IQCH: variants seen among roughly 807,000 people sequenced by gnomAD.
IQCH encodes the protein IQ motif containing H.
Under a neutral mutation model 117.0 loss-of-function variants are expected in IQCH, and 98 were observed. That is an observed-to-expected ratio of 0.84 (90% CI 0.71 to 0.99). IQCH has a LOEUF of 0.99. Ranked by LOEUF, IQCH falls within the 50% of genes least tolerant of loss-of-function variation. The probability of loss-of-function intolerance (pLI) is 0.00; values close to 1 mark genes in which losing one functional copy is unlikely to be tolerated. For synonymous variants in IQCH, 412 were observed against 448.2 expected, an observed-to-expected ratio of 0.92 and a Z score of 1.02; for missense variants, 1,102 against 1,243.8, an observed-to-expected ratio of 0.89 and a Z score of 1.72.
chr15:67,372,114 A>T lies in IQCH; in HGVS notation c.757A>T (p.Met253Leu). ...RSRGHHDRKA[M>L]KVKTPLRALK... ...ATATATTTCTTTTTTTCCACAGGCC[A>T]TGAAAGTCAAAACACCTTTGAGAGC... The change falls in exon 9 of 21, where the codon ATG (methionine) becomes TTG (leucine). Residue 253 changes from methionine to leucine, a missense_variant. Physicochemically the swap from Met to Leu is conservative, Grantham distance 15. Transcript: ENST00000335894. The T allele has an allele frequency of 6.3e-7, 1 of 1,599,418 alleles. No homozygotes were observed. The highest frequency in any genetic ancestry group is 8.5e-7 in the Non-Finnish European group (1 of 1,174,636).
chr15:67,337,589 C>T (rs1968952454), intron 5 of IQCH, among the ~76,000 whole-genome samples: 1 of 152,122 alleles, frequency 6.6e-6, no homozygotes, highest in African/African-American at 2.4e-5. Flanking sequence ...TCATCTTTAT[C>T]TCAGTATCTC....
intron 4 of IQCH, among the ~76,000 whole-genome samples, chr15:67,305,367 G>A (rs1250513496): frequency 6.6e-6 from 1 of 152,050 alleles, no homozygotes; most frequent in African/African-American, 2.4e-5. Context: ...TATATTTTCA[G>A]TTTCTTTATA....
Position 67,368,200 on chromosome 15 carries a change from C to A in IQCH, c.754-3911C>A, listed in dbSNP as rs545396141. Among the ~76,000 whole-genome samples, 136 of 152,290 alleles carry A rather than the reference C, an allele frequency of 8.9e-4. 3 individuals are homozygous for A. The South Asian group carries it at 0.028, about 31-fold the overall frequency. ...CTGGACTTAAGGCCAAGGCTAATTT[C>A]TCTGGGCCCGTAATAGCCTATTGAG... On this transcript the variant is annotated intron_variant, in intron 8 of 20. Coordinates refer to ENST00000335894, the MANE Select transcript of IQCH (RefSeq NM_001031715.3).
chr15:67,498,806 T>C (rs193253355), intron 20 of IQCH, among the ~76,000 whole-genome samples: 1 of 152,176 alleles, frequency 6.6e-6, no homozygotes, highest in Admixed American at 6.5e-5. Flanking sequence ...AATTTAAAAC[T>C]TCGTGCATCA....
In IQCH at chr15:67,496,890, C is replaced by A. The variant is rs1371779056; in HGVS notation, c.2970+2524C>A. ...AAAATTAGCCGGGCACGGTGGCGGG[C>A]GCCTGTAGTCCCAGCTACTCGGGAG... On this transcript the variant is annotated intron_variant, in intron 20 of 20. Transcript: ENST00000335894. The surrounding 1 kb of genome is among the most constrained non-coding windows in gnomAD (Gnocchi z 4.4). 1.3e-5 allele frequency among the ~76,000 whole-genome samples: 2 copies of A among 150,440 alleles called. No individual in the cohort carries two copies. The highest frequency in any genetic ancestry group is 4.9e-5 in the African/African-American group (2 of 40,946).
At position 67,401,363 on chromosome 15, in the gene IQCH, T is replaced by C. The variant is rs1406125376; in HGVS notation, c.2097+1058T>C. On this transcript the variant is annotated intron_variant, in intron 14 of 20. Transcript: ENST00000335894. This position sits in a 1 kb window ranked among gnomAD's most constrained non-coding sequence, Gnocchi z 4.7. Reference sequence around the variant, plus strand: ...GAAATCCCCAGTCTTGCCTGGCTTCTCTTAATCCCAAATATCTGTTTTGGC... The same window carrying C: ...GAAATCCCCAGTCTTGCCTGGCTTCCCTTAATCCCAAATATCTGTTTTGGC... Among the ~76,000 whole-genome samples the C allele has an allele frequency of 6.6e-6, 1 of 152,230 alleles. No homozygotes were observed. Among genetic ancestry groups the C allele is most frequent in the African/African-American group, 2.4e-5 (1 of 41,452 alleles).
chr15:67,375,138 A>G (rs976701907), intron 10 of IQCH, among the ~76,000 whole-genome samples: 2 of 152,232 alleles, frequency 1.3e-5, no homozygotes, highest in African/African-American at 4.8e-5. Flanking sequence ...TTTGAGTGAA[A>G]GTGTCTTAAA....
rs1971282578 is a variant in IQCH, at chr15:67,391,474, G to T, written c.1632+2468G>T. ...TGTACATCTCTCCAAGTTACTATAT[G>T]ATTCTTGAATTTGTAATGGTAAAAT... On this transcript the variant is annotated intron_variant, in intron 12 of 20. Transcript: ENST00000335894. The surrounding 1 kb of genome is among the most constrained non-coding windows in gnomAD (Gnocchi z 4.3). 1.3e-5 allele frequency among the ~76,000 whole-genome samples: 2 copies of T among 152,012 alleles called. No homozygotes were observed. Among genetic ancestry groups the T allele is most frequent in the African/African-American group, 4.8e-5 (2 of 41,388 alleles).
At position 67,458,626 on chromosome 15, in the gene IQCH, A is replaced by G. The variant is rs564675477; in HGVS notation, c.2506-6501A>G. Among the ~76,000 whole-genome samples the G allele has an allele frequency of 7.5e-4, 114 of 152,346 alleles. No individual in the cohort carries two copies. Among genetic ancestry groups the G allele is most frequent in the Non-Finnish European group, 1.5e-3 (104 of 68,026 alleles). On this transcript the variant is annotated intron_variant, in intron 16 of 20. Coordinates refer to ENST00000335894, the MANE Select transcript of IQCH (RefSeq NM_001031715.3). This position sits in a 1 kb window ranked among gnomAD's most constrained non-coding sequence, Gnocchi z 4.1. ...AAAGGAAATAAGCCCTTGGCTCTGT[A>G]CCTAGCCAAACCAGTAAAACAGAGG... is the stretch of plus-strand genomic sequence containing the variant.
rs1340630266 is a variant in IQCH, at chr15:67,465,526, G to A, written c.2676+229G>A. ...ATCTGTGGAAATGCGAAAGAGCATGGGGCTCTCCTCCCCTTTTTCTAGGCA... is the reference window on the plus strand; with the variant it reads ...ATCTGTGGAAATGCGAAAGAGCATGAGGCTCTCCTCCCCTTTTTCTAGGCA... On this transcript the variant is annotated intron_variant, in intron 17 of 20. Coordinates refer to ENST00000335894, the MANE Select transcript of IQCH (RefSeq NM_001031715.3). This position sits in a 1 kb window ranked among gnomAD's most constrained non-coding sequence, Gnocchi z 5.9. Among the ~76,000 whole-genome samples the A allele has an allele frequency of 2.0e-5, 3 of 152,062 alleles. No homozygotes were observed. The highest frequency in any genetic ancestry group is 7.2e-5 in the African/African-American group (3 of 41,396).
intron 16 of IQCH, among the ~76,000 whole-genome samples, chr15:67,435,274 C>T (rs1489976879): frequency 6.6e-6 from 1 of 151,906 alleles, no homozygotes; most frequent in African/African-American, 2.4e-5. Flanking sequence ...ACCTGTTGGC[C>T]ATTCGTATGT....
rs1300377225 is a variant in IQCH, at chr15:67,473,082, T to C, written c.2677-2614T>C. ...TGCTGGCTGGGGTCTGGTCTTGGTT[T>C]TTCTTGTTTATATACTATGGCAGCA... is the stretch of plus-strand genomic sequence containing the variant. On this transcript the variant is annotated intron_variant, in intron 17 of 20. Transcript: ENST00000335894. This position sits in a 1 kb window ranked among gnomAD's most constrained non-coding sequence, Gnocchi z 4.9. 6.6e-6 allele frequency among the ~76,000 whole-genome samples: 1 copy of C among 152,212 alleles called. No individual in the cohort carries two copies. Among genetic ancestry groups the C allele is most frequent in the African/African-American group, 2.4e-5 (1 of 41,460 alleles).
In IQCH at chr15:67,424,505, G is replaced by A. The variant is rs2081837801; in HGVS notation, c.2505+2928G>A. On this transcript the variant is annotated intron_variant, in intron 16 of 20. Coordinates refer to ENST00000335894, the MANE Select transcript of IQCH (RefSeq NM_001031715.3). This position sits in a 1 kb window ranked among gnomAD's most constrained non-coding sequence, Gnocchi z 4.9. ...TTAATTGTAAGCTCTTTTAAGCGAT[G>A]TGCTGTGTTTCTTTTTGCTCCCCCA... is the stretch of plus-strand genomic sequence containing the variant. Among the ~76,000 whole-genome samples the A allele has an allele frequency of 6.6e-6, 1 of 152,168 alleles. No homozygotes were observed. Among genetic ancestry groups the A allele is most frequent in the Non-Finnish European group, 1.5e-5 (1 of 68,048 alleles).
Position 67,366,135 on chromosome 15 carries a change from A to C in IQCH, c.754-5976A>C, listed in dbSNP as rs866918919. The stretch of plus-strand genomic sequence containing the variant: ...GCTCTTTTTCCCATACGTGTAGAGA[A>C]AATTATGATGTGTCTTTGCTCAGAG... On this transcript the variant is annotated intron_variant, in intron 8 of 20. Transcript: ENST00000335894. This position sits in a 1 kb window ranked among gnomAD's most constrained non-coding sequence, Gnocchi z 4.4. Among the ~76,000 whole-genome samples, 3 of 152,136 alleles carry C rather than the reference A, an allele frequency of 2.0e-5. No individual in the cohort carries two copies. The highest frequency in any genetic ancestry group is 7.2e-5 in the African/African-American group (3 of 41,420).
intron 8 of IQCH, chr15:67,360,212 C>T: frequency 3.2e-6 from 1 of 315,254 alleles, no homozygotes; most frequent in Admixed American, 4.7e-5. Context: ...TAAAAGTACA[C>T]TTAAAAAGAA....
chr15:67,272,441 G>T (rs1418682936), intron 3 of IQCH, among the ~76,000 whole-genome samples: 2 of 152,154 alleles, frequency 1.3e-5, no homozygotes, highest in Non-Finnish European at 2.9e-5. Context: ...AGTTAGACCT[G>T]TCTGGTCTAG....
intron 6 of IQCH, among the ~76,000 whole-genome samples, chr15:67,347,780 A>G (rs1969464518): frequency 6.7e-6 from 1 of 148,536 alleles, no homozygotes; most frequent in Non-Finnish European, 1.5e-5. Context: ...AATATAGCAA[A>G]TTGAATCTAG....
At position 67,370,308 on chromosome 15, in the gene IQCH, T is replaced by C. The variant is rs2140782003; in HGVS notation, c.754-1803T>C. 6.6e-6 allele frequency among the ~76,000 whole-genome samples: 1 copy of C among 152,336 alleles called. No individual in the cohort carries two copies. The highest frequency in any genetic ancestry group is 3.4e-3 in the Middle Eastern group (1 of 294). On this transcript the variant is annotated intron_variant, in intron 8 of 20. Transcript: ENST00000335894. This position sits in a 1 kb window ranked among gnomAD's most constrained non-coding sequence, Gnocchi z 5.6. ...ATCTCCCATCGATAGCTTTGCTTCT[T>C]ATAGGTCTCAGAGTCCTGTTGACTG...
intron 4 of IQCH, among the ~76,000 whole-genome samples, chr15:67,293,893 G>A (rs1306108767): frequency 6.6e-6 from 1 of 152,160 alleles, no homozygotes; most frequent in Non-Finnish European, 1.5e-5. Flanking sequence ...AAAAGTAGGA[G>A]GGGCCAGATC....
Sources: gnomAD v4.1 joint callset for allele counts (sites outside exome capture counted in the v4.1 genomes callset) on GRCh38, gnomAD v4.1.1 for gene constraint, Gnocchi (gnomAD v3.1) non-coding constraint, MANE v1.5 for transcripts, NCBI Gene and HGNC (gene_info 2026-07-23, HGNC 2026-07-21) for gene names.